Variants in POLR3GL observed in about 807,000 individuals in gnomAD.
POLR3GL encodes the protein DNA-directed RNA polymerase III subunit RPC7-like.
A neutral mutation model predicts 32.4 loss-of-function variants in POLR3GL; 26 were observed. The observed-to-expected ratio is 0.80, with a 90% CI of 0.59 to 1.11. The LOEUF (loss-of-function observed/expected upper bound fraction) is 1.11. Ranked by LOEUF, POLR3GL falls within the 50% of genes most tolerant of loss-of-function variation. The pLI is 0.00. For missense variants in POLR3GL, 229 were observed against 280.1 expected (o/e 0.82, Z 1.30); for synonymous variants, 95 against 98.7 (o/e 0.96, Z 0.22).
At chr1:145,973,070 G>A (rs781873419) in intron 1 of POLR3GL, among the ~76,000 whole-genome samples, 2 of 152,070 alleles carry the variant, frequency 1.3e-5, no homozygotes, top group Non-Finnish European at 2.9e-5. Context: ...AGATGCTCTA[G>A]ACTCATGTTG....
At position 145,974,139 on chromosome 1, in the gene POLR3GL, A is replaced by G. The variant is rs938336595; in HGVS notation, c.-41-686A>G. Among the ~76,000 whole-genome samples the G allele has an allele frequency of 3.3e-5, 5 of 152,130 alleles. No homozygotes were observed. In the South Asian group the frequency reaches 6.2e-4, roughly 19 times the overall value. ...AGAAAGAGACCCTATCTCAAATAAA[A>G]TAAAATAAAAAGATCAATTTGATTG... On this transcript the variant is annotated intron_variant, in intron 1 of 7. Coordinates refer to ENST00000369314, the MANE Select transcript of POLR3GL (RefSeq NM_032305.3).
intron 5 of POLR3GL, 107 bp downstream of exon 5, chr1:145,977,646 T>C (rs1553763678): frequency 7.6e-7 from 1 of 1,311,566 alleles, no homozygotes; most frequent in East Asian, 2.3e-5. Context: ...ATACCCAATC[T>C]ACCAAGTGTT....
At chr1:145,977,242 T>C in intron 4 of POLR3GL, 90 bp downstream of exon 4, 1 of 1,146,864 alleles carries the variant, frequency 8.7e-7, no homozygotes, top group Non-Finnish European at 1.3e-6. Flanking sequence ...CCCCACCCCA[T>C]TCCCCGATCC....
At chr1:145,966,316 C>T (rs1650026856) in intron 1 of POLR3GL, among the ~76,000 whole-genome samples, 1 of 150,746 alleles carries the variant, frequency 6.6e-6, no homozygotes, top group African/African-American at 2.4e-5. Context: ...CCTGTCTCTA[C>T]AAAAACTACA....
chr1:145,978,256 A>C, intron 7 of POLR3GL, 105 bp from the exon 8 acceptor site: 1 of 1,298,384 alleles, frequency 7.7e-7, no homozygotes, highest in Non-Finnish European at 1.1e-6. Context: ...CAGCTGGAAG[A>C]GATGTCTCAG....
intron 1 of POLR3GL, among the ~76,000 whole-genome samples, chr1:145,972,037 T>G (rs1477599891): frequency 2.9e-5 from 4 of 136,180 alleles, no homozygotes; most frequent in Non-Finnish European, 6.1e-5. Context: ...TGTGTATATA[T>G]ATAGAGAGAG....
At chr1:145,973,364 G>A (rs1290499766) in intron 1 of POLR3GL, among the ~76,000 whole-genome samples, 1 of 151,930 alleles carries the variant, frequency 6.6e-6, no homozygotes, top group East Asian at 1.9e-4. Flanking sequence ...ACTGTCTTGG[G>A]GGGAGAATGG....
Position 145,974,913 on chromosome 1 carries a change from C to G in POLR3GL, c.48C>G (p.Thr16=), listed in dbSNP as rs1254421223. The G allele has an allele frequency of 6.6e-7, 1 of 1,524,098 alleles. No individual in the cohort carries two copies. The highest frequency in any genetic ancestry group is 8.7e-7 in the Non-Finnish European group (1 of 1,145,640). 94.4% of individuals were successfully genotyped at this position (1,524,098 alleles called of 1,614,324 possible). A position where few individuals can be genotyped will look rare whatever the true frequency, so the allele number is the denominator to read the frequency against. The change falls in exon 2 of 8, where the codon ACC becomes ACG. Residue 16 remains threonine, a synonymous_variant. Transcript: ENST00000369314. ...GGRGRGRGQL[T]FNVEAVGIGK... is the part of the protein sequence containing the mutation. ...GGGGTCGTGGCCGGGGCCAGTTGACCTTCAACGTGGAGGCCGTGGGCATTG... is the reference window on the plus strand; with the variant it reads ...GGGGTCGTGGCCGGGGCCAGTTGACGTTCAACGTGGAGGCCGTGGGCATTG...
chr1:145,975,675 A>G (rs899525751), intron 3 of POLR3GL, among the ~76,000 whole-genome samples: 6 of 152,114 alleles, frequency 3.9e-5, no homozygotes, highest in Non-Finnish European at 8.8e-5. Flanking sequence ...AAGTAGGGGG[A>G]TGTATTTTCT....
chr1:145,972,210 G>A (rs1007293544), intron 1 of POLR3GL, among the ~76,000 whole-genome samples: 4 of 149,874 alleles, frequency 2.7e-5, no homozygotes, highest in African/African-American at 7.4e-5. Context: ...GAGAAACCCC[G>A]TCTCTACTAA....
intron 1 of POLR3GL, among the ~76,000 whole-genome samples, chr1:145,972,006 A>ACGTG (rs1650337878): frequency 7.5e-6 from 1 of 133,538 alleles, no homozygotes; most frequent in African/African-American, 3.1e-5. Flanking sequence ...ATATATATAT[A>ACGTG]TATATACGTG....
intron 1 of POLR3GL, 53 bp downstream of exon 1, chr1:145,964,821 C>G (rs1649947649): frequency 6.6e-6 from 1 of 152,296 alleles, no homozygotes; most frequent in South Asian, 2.1e-4. Flanking sequence ...TCACCCCGGC[C>G]AGGCTGCGAA....
chr1:145,977,354 A>G, intron 4 of POLR3GL, 129 bp from the exon 5 acceptor site: 3 of 945,310 alleles, frequency 3.2e-6, no homozygotes, highest in Admixed American at 4.0e-5. Context: ...TATCCAAGCC[A>G]CTGAACAACT....
rs782537613 is a variant in POLR3GL at position 145,974,855 on chromosome 1, C to T, written c.-11C>T. The stretch of plus-strand genomic sequence containing the variant: ...TTCACTGGATCTCTGAATACCCAGG[C>T]CCCCTCCACCATGGCCAGCCGGGGT... On this transcript the variant is annotated 5_prime_UTR_variant, in exon 2 of 8. Coordinates refer to ENST00000369314, the MANE Select transcript of POLR3GL (RefSeq NM_032305.3). The T allele has an allele frequency of 6.6e-7, 1 of 1,507,616 alleles. No homozygotes were observed. The highest frequency in any genetic ancestry group is 1.4e-5 in the South Asian group (1 of 73,614). The allele number at this position is 1,507,616 out of a possible 1,614,324, so 93.4% of individuals were successfully genotyped here.
At chr1:145,971,948 G>A (rs1262843004) in intron 1 of POLR3GL, among the ~76,000 whole-genome samples, 2 of 108,592 alleles carry the variant, frequency 1.8e-5, no homozygotes, top group African/African-American at 7.5e-5. Flanking sequence ...CTGGGTGACA[G>A]AGTGAGACTC....
Position 145,977,065 on chromosome 1 carries a change from T to G in POLR3GL, c.257-19T>G. Reference sequence around the variant, plus strand: ...CTGGGTCTCTGAAGGGATAAAACTTTGACCCTTCCACCCCTCAGATGTGGA... The same window carrying G: ...CTGGGTCTCTGAAGGGATAAAACTTGGACCCTTCCACCCCTCAGATGTGGA... On this transcript the variant is annotated intron_variant, in intron 3 of 7. Transcript: ENST00000369314. 1 of 1,610,108 alleles carries G rather than the reference T, an allele frequency of 6.2e-7. No individual in the cohort carries two copies. The highest frequency in any genetic ancestry group is 2.2e-5 in the East Asian group (1 of 44,860).
chr1:145,978,611 C>T lies in POLR3GL; in HGVS notation c.*164C>T, dbSNP rs587750634. On this transcript the variant is annotated 3_prime_UTR_variant, in exon 8 of 8. Coordinates refer to ENST00000369314, the MANE Select transcript of POLR3GL (RefSeq NM_032305.3). ...ATGACAGTTTATTTTCTACACTTCCCCTCCTTCCACATTTGTATCACCTTT... is the reference window on the plus strand; with the variant it reads ...ATGACAGTTTATTTTCTACACTTCCTCTCCTTCCACATTTGTATCACCTTT... The T allele has an allele frequency of 2.5e-4, 161 of 632,290 alleles. No homozygotes were observed. In the South Asian group the frequency reaches 3.1e-3, roughly 12 times the overall value. The allele number at this position is 632,290 out of a possible 1,614,324, so 39.2% of individuals were successfully genotyped here. A position where few individuals can be genotyped will look rare whatever the true frequency, so the allele number is the denominator to read the frequency against.
chr1:145,965,614 C>T (rs988983293), intron 1 of POLR3GL, among the ~76,000 whole-genome samples: 4 of 152,124 alleles, frequency 2.6e-5, no homozygotes, highest in African/African-American at 4.8e-5. Flanking sequence ...ATAGGGAATC[C>T]TCTACTAGAG....
At position 145,977,721 on chromosome 1, in the gene POLR3GL, G is replaced by C. The variant is rs1332739710; in HGVS notation, c.383-57G>C. ...TGACATGTTCTTTGCATGAGGATGG[G>C]CTATAAAGCTGGCAAAATTTGCTCT... On this transcript the variant is annotated intron_variant, in intron 5 of 7. Transcript: ENST00000369314. 1.1e-5 allele frequency: 16 copies of C among 1,513,516 alleles called. No homozygotes were observed. The Admixed American group carries it at 2.2e-4, about 21-fold the overall frequency. The allele number at this position is 1,513,516 out of a possible 1,614,324, so 93.8% of individuals were successfully genotyped here.
Sources: gnomAD v4.1 joint callset for allele counts (sites outside exome capture counted in the v4.1 genomes callset) on GRCh38, gnomAD v4.1.1 for gene constraint, MANE v1.5 for transcripts, NCBI Gene and HGNC (gene_info 2026-07-23, HGNC 2026-07-21) for gene names.